LANCL2: variants seen among roughly 807,000 people sequenced by gnomAD.
LANCL2 encodes the protein LanC like glutathione S-transferase 2, also known as lanC-like protein 2.
LANCL2 carries 33 observed loss-of-function variants against 56.9 expected under a neutral mutation model. That is an observed-to-expected ratio of 0.58 (90% confidence interval 0.44 to 0.78). LANCL2 has a LOEUF of 0.78. LANCL2 is among the 30% of genes least tolerant of loss of function. The probability of loss-of-function intolerance (pLI) is 0.00; values close to 1 mark genes in which losing one functional copy is unlikely to be tolerated. For missense variants in LANCL2, 562 were observed against 580.2 expected, an observed-to-expected ratio of 0.97 and a Z score of 0.32; for synonymous variants, 233 against 228.2, an observed-to-expected ratio of 1.02 and a Z score of -0.19.
chr7:55,427,687 G>A (rs1298019022), intron 7 of LANCL2, among the ~76,000 whole-genome samples: 2 of 152,228 alleles, frequency 1.3e-5, no homozygotes, highest in South Asian at 2.1e-4. Flanking sequence ...TTCTTTTTAC[G>A]TGTGCTGAAC....
chr7:55,402,808 G>A lies in LANCL2; in HGVS notation c.825+1488G>A, dbSNP rs1170544762. Among the ~76,000 whole-genome samples, 10 of 132,408 alleles carry A rather than the reference G, an allele frequency of 7.6e-5. 2 individuals are homozygous for A. The highest frequency in any genetic ancestry group is 1.3e-4 in the Non-Finnish European group (8 of 59,926). 86.9% of individuals were successfully genotyped at this position (132,408 alleles called of 152,430 possible). A position where few individuals can be genotyped will look rare whatever the true frequency, so the allele number is the denominator to read the frequency against. On this transcript the variant is annotated intron_variant, in intron 5 of 8. Coordinates refer to ENST00000254770, the MANE Select transcript of LANCL2 (RefSeq NM_018697.4). The stretch of plus-strand genomic sequence containing the variant: ...GGTCTCCTCACTTCTCAGACGGGGC[G>A]GCCGGGCAGAGACGCTCCTCACATC...
chr7:55,428,469 T>C (rs1449176440), intron 8 of LANCL2, 22 bp downstream of exon 8: 3 of 1,604,410 alleles, frequency 1.9e-6, no homozygotes, highest in Admixed American at 1.7e-5. Context: ...AAAAATGCTA[T>C]AGATTAAATG....
chr7:55,402,770 T>C (rs1448699716), intron 5 of LANCL2, among the ~76,000 whole-genome samples: 18 of 104,640 alleles, frequency 1.7e-4, no homozygotes, highest in African/African-American at 4.8e-4. Context: ...GACGGGGCGG[T>C]TGCCGGGCGG....
intron 1 of LANCL2, among the ~76,000 whole-genome samples, chr7:55,391,254 G>A (rs896050352): frequency 1.3e-5 from 2 of 151,846 alleles, no homozygotes; most frequent in Non-Finnish European, 2.9e-5. Context: ...TCCTGACCTC[G>A]TGATCCGCCC....
chr7:55,366,209 C>T lies in LANCL2; in HGVS notation c.184C>T (p.Pro62Ser), dbSNP rs1285369245. The change falls in exon 1 of 9, where the codon CCT becomes TCT. Residue 62 changes from proline to serine, a missense_variant. Coordinates refer to ENST00000254770, the MANE Select transcript of LANCL2 (RefSeq NM_018697.4). The part of the protein sequence containing the change: ...PPATTDEPGL[P>S]FHQDGKIIHN... The stretch of plus-strand genomic sequence containing the variant: ...GGCGACCACGGATGAGCCCGGCCTC[C>T]CTTTTCATCAGGACGGGAAGGTGAG... 3.2e-6 allele frequency: 5 copies of T among 1,540,600 alleles called. No homozygotes were observed. In the Admixed American group the frequency reaches 9.6e-5, roughly 30 times the overall value.
At chr7:55,410,094 G>A (rs1790454973) in intron 5 of LANCL2, among the ~76,000 whole-genome samples, 2 of 152,194 alleles carry the variant, frequency 1.3e-5, no homozygotes, top group Non-Finnish European at 2.9e-5. Flanking sequence ...TGCATGGATT[G>A]TTTAGAAATA....
At chr7:55,368,533 A>T (rs1285027622) in intron 1 of LANCL2, among the ~76,000 whole-genome samples, 1 of 152,230 alleles carries the variant, frequency 6.6e-6, no homozygotes, top group African/African-American at 2.4e-5. Flanking sequence ...TAAAATGAAT[A>T]TGAGTTGAAC....
intron 8 of LANCL2, among the ~76,000 whole-genome samples, chr7:55,430,601 T>C (rs1205323251): frequency 6.6e-6 from 1 of 152,262 alleles, no homozygotes; most frequent in African/African-American, 2.4e-5. Context: ...TTTGGATTTA[T>C]GTGTTTTATT....
rs1015010588 is a variant in LANCL2 at position 55,365,420 on chromosome 7, TCAAA to T, written c.-601_-598del. The stretch of plus-strand genomic sequence containing the variant: ...AGAGATTTTTTTTTTCTTCTTAATA[TCAAA>T]CAAAGAACTGCTGCTATTCCTTTGG... On this transcript the variant is annotated 5_prime_UTR_variant, in exon 1 of 9. Coordinates refer to ENST00000254770, the MANE Select transcript of LANCL2 (RefSeq NM_018697.4). The T allele has an allele frequency of 1.3e-5, 2 of 152,066 alleles. No individual in the cohort carries two copies. The highest frequency in any genetic ancestry group is 2.9e-5 in the Non-Finnish European group (2 of 68,004). The allele number at this position is 152,066 out of a possible 1,614,324, so 9.4% of individuals were successfully genotyped here.
chr7:55,413,267 T>C (rs1790490891), intron 6 of LANCL2, among the ~76,000 whole-genome samples: 1 of 152,240 alleles, frequency 6.6e-6, no homozygotes, highest in South Asian at 2.1e-4. Flanking sequence ...TAGAGGGACA[T>C]CTGTGATACA....
intron 5 of LANCL2, among the ~76,000 whole-genome samples, chr7:55,409,830 A>G (rs532021886): frequency 5.3e-5 from 8 of 152,248 alleles, no homozygotes; most frequent in Non-Finnish European, 1.2e-4. Flanking sequence ...CTAAGCAAAT[A>G]AAATGTGAGA....
Position 55,366,349 on chromosome 7 carries a change from G to A in LANCL2, c.204+120G>A, listed in dbSNP as rs545468613. On this transcript the variant is annotated intron_variant, in intron 1 of 8. Transcript: ENST00000254770. ...GGGCTTGGGAGGGCGCGGGATGATA[G>A]CGCCTAGCACCTGTCTCCGGGCCTT... is the stretch of plus-strand genomic sequence containing the variant. 722 of 845,066 alleles carry A rather than the reference G, an allele frequency of 8.5e-4. 1 individual carries two copies. Among genetic ancestry groups the A allele is most frequent in the Non-Finnish European group, 1.0e-3 (576 of 570,720 alleles). The allele number at this position is 845,066 out of a possible 1,614,324, so 52.3% of individuals were successfully genotyped here.
At chr7:55,417,788 C>T (rs1168624335) in intron 6 of LANCL2, among the ~76,000 whole-genome samples, 1 of 132,346 alleles carries the variant, frequency 7.6e-6, no homozygotes, top group Non-Finnish European at 1.7e-5. Context: ...AAGCAATTCT[C>T]CTGCCTCAGC....
rs752145205 is a variant in LANCL2, at chr7:55,400,105, G to T, written c.678+1G>T. On this transcript the variant is annotated splice_donor_variant, in intron 4 of 8. Transcript: ENST00000254770. LOFTEE classifies it high-confidence loss of function. ...CGTGTGTGAGTCAGCTATTAAAGAG[G>T]TACTATGGGGTATGGGTAACTATGG... 1.3e-6 allele frequency: 2 copies of T among 1,592,242 alleles called. No homozygotes were observed. The highest frequency in any genetic ancestry group is 1.7e-6 in the Non-Finnish European group (2 of 1,165,352).
At chr7:55,427,186 T>A (rs1325479246) in intron 7 of LANCL2, among the ~76,000 whole-genome samples, 1 of 152,194 alleles carries the variant, frequency 6.6e-6, no homozygotes, top group African/African-American at 2.4e-5. Context: ...AGCCAGTAGT[T>A]CTCAACCTTG....
At chr7:55,425,889 G>A (rs536808751) in intron 7 of LANCL2, among the ~76,000 whole-genome samples, 46 of 152,286 alleles carry the variant, frequency 3.0e-4, no homozygotes, top group Non-Finnish European at 5.1e-4. Flanking sequence ...ATGCTCCTCC[G>A]CTGAGTTGAC....
intron 1 of LANCL2, among the ~76,000 whole-genome samples, chr7:55,370,517 C>A (rs1280851621): frequency 6.6e-6 from 1 of 152,168 alleles, no homozygotes; most frequent in Non-Finnish European, 1.5e-5. Flanking sequence ...AGAGAAATTG[C>A]TGTGATACTG....
In LANCL2 at chr7:55,425,338, G is replaced by A. The variant is rs1461281371; in HGVS notation, c.1093G>A (p.Gly365Arg). The part of the protein sequence containing the change: ...WQRGLLRKGY[G>R]ICHGTAGNGY... Reference sequence around the variant, plus strand: ...GCGAGGTTTGCTGCGGAAGGGCTACGGGATATGCCATGGGACTGCTGGCAA... The same window carrying A: ...GCGAGGTTTGCTGCGGAAGGGCTACAGGATATGCCATGGGACTGCTGGCAA... Residue 365 changes from glycine to arginine, a missense_variant, in exon 7 of 9, where the codon GGG becomes AGG. Coordinates refer to ENST00000254770, the MANE Select transcript of LANCL2 (RefSeq NM_018697.4). 5.0e-6 allele frequency: 8 copies of A among 1,614,010 alleles called. No homozygotes were observed. Among genetic ancestry groups the A allele is most frequent in the East Asian group, 2.2e-5 (1 of 44,886 alleles).
At chr7:55,407,591 G>C (rs1455650320) in intron 5 of LANCL2, among the ~76,000 whole-genome samples, 2 of 152,224 alleles carry the variant, frequency 1.3e-5, no homozygotes, top group Non-Finnish European at 2.9e-5. Context: ...TGGACTTTGA[G>C]TGAAGCCAGC....
Sources: allele counts gnomAD v4.1 joint callset (sites outside exome capture counted in the v4.1 genomes callset), GRCh38; gene constraint gnomAD v4.1.1; transcripts MANE v1.5; gene names NCBI Gene and HGNC (gene_info 2026-07-23, HGNC 2026-07-21).